Variants in FMN2 observed in about 807,000 individuals in gnomAD.
FMN2 encodes formin-2.
Under a neutral mutation model 142.3 loss-of-function variants are expected in FMN2, and 51 were observed. The ratio of observed to expected loss-of-function variants is 0.36; its 90% CI spans 0.29 to 0.45. The LOEUF (loss-of-function observed/expected upper bound fraction) is 0.45, where lower values mean the gene tolerates loss of function less well. Ranked by LOEUF, FMN2 falls within the 20% of genes least tolerant of loss-of-function variation. The pLI, the probability that FMN2 is intolerant of heterozygous loss-of-function variation, is 1.00. For missense variants in FMN2, 1,936 were observed against 2,122.8 expected, an observed-to-expected ratio of 0.91 and a Z score of 1.73; for synonymous variants, 882 against 869.8, an observed-to-expected ratio of 1.01 and a Z score of -0.25.
chr1:240,465,693 T>C (rs74149139), intron 16 of FMN2, among the ~76,000 whole-genome samples: 4,630 of 152,236 alleles, frequency 0.03, 240 homozygotes, highest in African/African-American at 0.11. Flanking sequence ...CAGATACTTA[T>C]TTAGACCAAG....
intron 15 of FMN2, among the ~76,000 whole-genome samples, chr1:240,436,253 C>T (rs1675365818): frequency 1.3e-5 from 2 of 152,102 alleles, no homozygotes; most frequent in Non-Finnish European, 2.9e-5. Flanking sequence ...TGTCATTTTT[C>T]TAGTAGGCTA....
At chr1:240,160,248 AT>A (rs1390791558) in intron 2 of FMN2, among the ~76,000 whole-genome samples, 1 of 150,962 alleles carries the variant, frequency 6.6e-6, no homozygotes, top group African/African-American at 2.4e-5. Context: ...AGATACAGTC[AT>A]TAGAAAACTA....
intron 2 of FMN2, among the ~76,000 whole-genome samples, chr1:240,165,382 T>C (rs535411308): frequency 2.2e-4 from 34 of 152,186 alleles, no homozygotes; most frequent in African/African-American, 7.7e-4. Context: ...CTCTGTGTTA[T>C]CTAGGCTGGT....
In FMN2 at chr1:240,334,203, T is replaced by G; in HGVS notation, c.4739T>G (p.Leu1580Arg). 6.2e-7 allele frequency: 1 copy of G among 1,603,868 alleles called. No homozygotes were observed. Among genetic ancestry groups the G allele is most frequent in the Non-Finnish European group, 8.5e-7 (1 of 1,177,406 alleles). ...AAGTTTGAAGATTTTCAAAAAGATC[T>G]CAGAAAACTGAAGAAAGACTTGAAA... ...QMKFEDFQKD[L>R]RKLKKDLKAC... Residue 1580 changes from leucine to arginine, a missense_variant, in exon 13 of 18, where the codon CTC (leucine) becomes CGC (arginine). Physicochemically the swap from Leu to Arg is moderately radical, Grantham distance 102. Transcript: ENST00000319653.
At chr1:240,144,592 A>G (rs1539200) in intron 2 of FMN2, 898,825 of 1,342,614 alleles carry the variant, frequency 0.67, 305,218 homozygotes, top group African/African-American at 0.89. Context: ...GAGCTTTAGG[A>G]AAGCGGCTAA....
At chr1:240,313,842 T>C (rs1313265214) in intron 8 of FMN2, among the ~76,000 whole-genome samples, 1 of 151,900 alleles carries the variant, frequency 6.6e-6, no homozygotes, top group African/African-American at 2.4e-5. Context: ...GGCGTGGCGA[T>C]GTGTGCCTGT....
chr1:240,402,606 C>T (rs898265332), intron 15 of FMN2, among the ~76,000 whole-genome samples: 1 of 152,156 alleles, frequency 6.6e-6, no homozygotes, highest in Non-Finnish European at 1.5e-5. Flanking sequence ...GGCTTCATCC[C>T]CATTGTGTGT....
chr1:240,170,571 A>C, intron 2 of FMN2: 1 of 1,564,778 alleles, frequency 6.4e-7, no homozygotes, highest in Non-Finnish European at 8.8e-7. Flanking sequence ...CTTGCAAAGG[A>C]AAGACAATTT....
chr1:240,352,797 A>C (rs1234184823), intron 13 of FMN2, among the ~76,000 whole-genome samples: 1 of 152,200 alleles, frequency 6.6e-6, no homozygotes, highest in African/African-American at 2.4e-5. Context: ...CTTAATATGC[A>C]TCTGGAAACA....
At chr1:240,334,984 C>A (rs763099520) in intron 13 of FMN2, among the ~76,000 whole-genome samples, 5 of 152,122 alleles carry the variant, frequency 3.3e-5, no homozygotes, top group Non-Finnish European at 5.9e-5. Flanking sequence ...CTGGTTACCC[C>A]TGTCCAGAAA....
intron 6 of FMN2, among the ~76,000 whole-genome samples, chr1:240,242,879 T>A (rs1407631216): frequency 1.3e-5 from 2 of 152,214 alleles, no homozygotes; most frequent in Non-Finnish European, 2.9e-5. Context: ...CAAACTGTAA[T>A]TCTGCTTTGC....
Position 240,323,910 on chromosome 1 carries a change from A to AT in FMN2, c.4216-5165dup, listed in dbSNP as rs564029898. Among the ~76,000 whole-genome samples, 76 of 152,240 alleles carry AT rather than the reference A, an allele frequency of 5.0e-4. 1 individual carries two copies. The South Asian group carries it at 0.016, about 32-fold the overall frequency. On this transcript the variant is annotated intron_variant, in intron 8 of 17. Transcript: ENST00000319653. Reference sequence around the variant, plus strand: ...TTAAGGACAGCTGATTCCCAATGGTATCTTTTGCCCTCGCAGCTCTCCGAA... The same window carrying AT: ...TTAAGGACAGCTGATTCCCAATGGTATTCTTTTGCCCTCGCAGCTCTCCGAA...
At chr1:240,166,701 CT>C (rs1664495267) in intron 2 of FMN2, among the ~76,000 whole-genome samples, 1 of 152,248 alleles carries the variant, frequency 6.6e-6, no homozygotes, top group African/African-American at 2.4e-5. Flanking sequence ...GGAAACTCTA[CT>C]TTTTTTCTTT....
In FMN2 at chr1:240,165,195, A is replaced by G. The variant is rs1664429625; in HGVS notation, c.1783-12726A>G. Among the ~76,000 whole-genome samples, 2 of 152,156 alleles carry G rather than the reference A, an allele frequency of 1.3e-5. 1 individual carries two copies. The highest frequency in any genetic ancestry group is 4.1e-4 in the South Asian group (2 of 4,832). On this transcript the variant is annotated intron_variant, in intron 2 of 17. Transcript: ENST00000319653. ...TTTTTTCTTTCTGTTTAAAAATTTA[A>G]ATCAGGGTCTCATGTTGTTTCCCAG...
chr1:240,219,962 G>T (rs1274805616), intron 6 of FMN2, among the ~76,000 whole-genome samples: 1 of 152,072 alleles, frequency 6.6e-6, no homozygotes, highest in Non-Finnish European at 1.5e-5. Flanking sequence ...CCCAGACAAC[G>T]AAATGGAAGA....
intron 7 of FMN2, among the ~76,000 whole-genome samples, chr1:240,264,723 A>G (rs1280512133): frequency 6.6e-6 from 1 of 152,056 alleles, no homozygotes; most frequent in Non-Finnish European, 1.5e-5. Flanking sequence ...ATTCTTTTTT[A>G]TGGCTGCATA....
chr1:240,092,707 C>G lies in FMN2; in HGVS notation c.598C>G (p.Gln200Glu). 1 of 1,613,890 alleles carries G rather than the reference C, an allele frequency of 6.2e-7. No homozygotes were observed. The highest frequency in any genetic ancestry group is 1.7e-5 in the Admixed American group (1 of 60,030). ...GCAAGAGGATTTGCTTTCAGACATC[C>G]AGCAGGCGATCCGCCTGCAGCAGCA... is the stretch of plus-strand genomic sequence containing the variant. ...TEQEDLLSDI[Q>E]QAIRLQQQQQ... Residue 200 changes from glutamine (Q) to glutamate (E), a missense_variant, in exon 1 of 18, where the codon CAG becomes GAG. By Grantham distance (29) the Gln-to-Glu change is conservative. This residue lies in a region of FMN2 where 751 missense variants were observed against 791.8 expected (regional missense o/e 0.95). Coordinates refer to ENST00000319653, the MANE Select transcript of FMN2 (RefSeq NM_020066.5).
chr1:240,254,958 T>C (rs1374825333), intron 6 of FMN2, among the ~76,000 whole-genome samples: 1 of 152,068 alleles, frequency 6.6e-6, no homozygotes, highest in Non-Finnish European at 1.5e-5. Context: ...CAGTGCGCGC[T>C]CCCTCTGGAG....
intron 15 of FMN2, among the ~76,000 whole-genome samples, chr1:240,427,586 T>TA (rs1241272844): frequency 6.6e-6 from 1 of 152,210 alleles, no homozygotes; most frequent in Non-Finnish European, 1.5e-5. Flanking sequence ...TGATATCTCT[T>TA]ACATTTTCAC....
Sources: gnomAD v4.1 joint callset for allele counts (sites outside exome capture counted in the v4.1 genomes callset) on GRCh38, gnomAD v4.1.1 for gene constraint, gnomAD v4.1.1 regional missense constraint, MANE v1.5 for transcripts, NCBI Gene and HGNC (gene_info 2026-07-23, HGNC 2026-07-21) for gene names.